PTGES3: variants seen among roughly 807,000 people sequenced by gnomAD.
The protein encoded by PTGES3 is Hsp90 co-chaperone.
A neutral mutation model predicts 29.9 loss-of-function variants in PTGES3; 5 were observed. The ratio of observed to expected loss-of-function variants is 0.17; its 90% CI spans 0.09 to 0.35. The LOEUF (loss-of-function observed/expected upper bound fraction) is 0.35, where lower values mean the gene tolerates loss of function less well. PTGES3 is among the 10% of genes least tolerant of loss of function. The pLI, the probability that PTGES3 is intolerant of heterozygous loss-of-function variation, is 1.00. For missense variants in PTGES3, 128 were observed against 190.0 expected (o/e 0.67, Z 1.92); for synonymous variants, 49 against 57.8 (o/e 0.85, Z 0.69).
chr12:56,681,715 T>C (rs1183695762), intron 1 of PTGES3, among the ~76,000 whole-genome samples: 1 of 149,144 alleles, frequency 6.7e-6, no homozygotes, highest in Admixed American at 6.7e-5. Context: ...ATTAGCCAGG[T>C]ACGGTGGCAT....
chr12:56,673,601 C>G (rs1300969259), intron 1 of PTGES3, among the ~76,000 whole-genome samples: 3 of 151,028 alleles, frequency 2.0e-5, no homozygotes, highest in Non-Finnish European at 4.4e-5. Context: ...CGAGACCAGC[C>G]TGACCAACAT....
At chr12:56,685,455 C>G (rs946073144) in intron 1 of PTGES3, among the ~76,000 whole-genome samples, 1 of 145,844 alleles carries the variant, frequency 6.9e-6, no homozygotes, top group African/African-American at 2.5e-5. Flanking sequence ...GGCTGGAGTA[C>G]AGTGGCGCAA....
chr12:56,676,204 C>A (rs1281452470), intron 1 of PTGES3, among the ~76,000 whole-genome samples: 3 of 113,284 alleles, frequency 2.6e-5, no homozygotes, highest in East Asian at 2.7e-4. Context: ...ACAGCCTGGG[C>A]AACAGAGAGA....
At chr12:56,687,323 T>G (rs1565882165) in intron 1 of PTGES3, 1 of 989,172 alleles carries the variant, frequency 1.0e-6, no homozygotes, top group Non-Finnish European at 1.2e-6. Context: ...ACCTGCTCAA[T>G]GGTAACTCCT....
intron 1 of PTGES3, among the ~76,000 whole-genome samples, chr12:56,677,171 C>T (rs1952293550): frequency 6.7e-6 from 1 of 150,114 alleles, no homozygotes; most frequent in African/African-American, 2.5e-5. Flanking sequence ...ACATGAAAGG[C>T]AGAGGTTGCA....
chr12:56,687,227 G>GT (rs1336362518), intron 1 of PTGES3: 2 of 1,031,890 alleles, frequency 1.9e-6, no homozygotes, highest in Non-Finnish European at 2.3e-6. Flanking sequence ...ATCCTACACT[G>GT]TAACAAGATA....
chr12:56,671,193 G>A (rs1445712902), intron 4 of PTGES3, among the ~76,000 whole-genome samples: 1 of 152,106 alleles, frequency 6.6e-6, no homozygotes, highest in South Asian at 2.1e-4. Context: ...GAGCCCAGAA[G>A]TTCAAGACCA....
chr12:56,682,152 T>G (rs1418517590), intron 1 of PTGES3, among the ~76,000 whole-genome samples: 3 of 152,142 alleles, frequency 2.0e-5, no homozygotes, highest in African/African-American at 7.2e-5. Context: ...CAGCTGACAT[T>G]GGCACTATCA....
rs141389140 is a variant in PTGES3, at chr12:56,687,482, G to C, written c.2+516C>G. The C allele has an allele frequency of 5.2e-3, 5,188 of 991,444 alleles. 18 individuals carry two copies. Among genetic ancestry groups the C allele is most frequent in the Non-Finnish European group, 5.9e-3 (4,886 of 833,786 alleles). The allele number at this position is 991,444 out of a possible 1,614,324, so 61.4% of individuals were successfully genotyped here. A position where few individuals can be genotyped will look rare whatever the true frequency, so the allele number is the denominator to read the frequency against. ...GCGGCGTGGGCATGGCTTCCTTCTA[G>C]TTGCCTAGCAGTACCTGCAGCTCAC... is the stretch of plus-strand genomic sequence containing the variant. On this transcript the variant is annotated intron_variant, in intron 1 of 7. Transcript: ENST00000262033.
At chr12:56,675,971 G>C (rs1285581392) in intron 1 of PTGES3, among the ~76,000 whole-genome samples, 6 of 151,938 alleles carry the variant, frequency 3.9e-5, no homozygotes, top group Admixed American at 1.3e-4. Flanking sequence ...TCAAGCCCAT[G>C]ATCCCAGCAC....
At chr12:56,675,409 A>T (rs1473167232) in intron 1 of PTGES3, among the ~76,000 whole-genome samples, 1 of 152,088 alleles carries the variant, frequency 6.6e-6, no homozygotes, top group Non-Finnish European at 1.5e-5. Flanking sequence ...CCATGAACCA[A>T]AAATGATTCC....
chr12:56,671,996 A>C, intron 3 of PTGES3, 149 bp from the exon 4 acceptor site: 1 of 469,120 alleles, frequency 2.1e-6, no homozygotes, highest in Non-Finnish European at 3.7e-6. Context: ...ACTTCAAACT[A>C]TCCAACTGCC....
intron 1 of PTGES3, among the ~76,000 whole-genome samples, chr12:56,677,212 C>T (rs1952295623): frequency 6.6e-6 from 1 of 150,980 alleles, no homozygotes; most frequent in Non-Finnish European, 1.5e-5. Context: ...GCACTCTAGC[C>T]TGGGCGACAG....
intron 5 of PTGES3, among the ~76,000 whole-genome samples, chr12:56,667,845 T>C (rs1951846007): frequency 6.6e-6 from 1 of 152,198 alleles, no homozygotes; most frequent in African/African-American, 2.4e-5. Flanking sequence ...TGGTGACTCA[T>C]GCCTGTAATC....
chr12:56,681,052 G>GT (rs1446722960), intron 1 of PTGES3, among the ~76,000 whole-genome samples: 1 of 152,116 alleles, frequency 6.6e-6, no homozygotes, highest in African/African-American at 2.4e-5. Flanking sequence ...GATTACAGGT[G>GT]TGAGTCACCA....
rs1327595770 is a variant in PTGES3 at position 56,671,757 on chromosome 12, T to A, written c.277A>T (p.Arg93Trp). Residue 93 changes from arginine to tryptophan, a missense_variant, in exon 4 of 8, where the codon AGG becomes TGG. Coordinates refer to ENST00000262033, the MANE Select transcript of PTGES3 (RefSeq NM_006601.7). ...AGGAAAATGAAACCTACCTTTGCCCTTTCTTTTGTTAACCTTGGCCATGAC... is the reference window on the plus strand; with the variant it reads ...AGGAAAATGAAACCTACCTTTGCCCATTCTTTTGTTAACCTTGGCCATGAC... ...GQSWPRLTKE[R>W]AKLNWLSVDF... 6.5e-7 allele frequency: 1 copy of A among 1,546,100 alleles called. No homozygotes were observed. The highest frequency in any genetic ancestry group is 1.4e-5 in the African/African-American group (1 of 71,794).
intron 6 of PTGES3, chr12:56,665,906 C>A (rs1288726038): frequency 1.3e-5 from 13 of 996,856 alleles, no homozygotes; most frequent in Non-Finnish European, 1.6e-5. Flanking sequence ...CAGACATGAG[C>A]CACCTCGCCC....
At chr12:56,664,689 A>AC (rs1951723845) in intron 7 of PTGES3, 87 bp downstream of exon 7, 1 of 1,486,318 alleles carries the variant, frequency 6.7e-7, no homozygotes, top group Admixed American at 2.2e-5. Context: ...AAATTACTTT[A>AC]CTTCCAAAGA....
chr12:56,686,912 T>C (rs1952890064), intron 1 of PTGES3: 1 of 393,566 alleles, frequency 2.5e-6, no homozygotes, highest in Non-Finnish European at 4.4e-6. Context: ...CTCTTCTGAA[T>C]GGAGTCTAAA....
Sources: allele counts gnomAD v4.1 joint callset (sites outside exome capture counted in the v4.1 genomes callset), GRCh38; gene constraint gnomAD v4.1.1; transcripts MANE v1.5; gene names NCBI Gene and HGNC (gene_info 2026-07-23, HGNC 2026-07-21).